Variants in KDM2B observed in about 807,000 individuals in gnomAD.
KDM2B encodes the protein lysine demethylase 2B, also known as lysine-specific demethylase 2B.
Under a neutral mutation model 150.0 loss-of-function variants are expected in KDM2B, and 26 were observed. The ratio of observed to expected loss-of-function variants is 0.17; its 90% CI spans 0.13 to 0.24. The LOEUF (loss-of-function observed/expected upper bound fraction) is 0.24. Ranked by LOEUF, KDM2B falls within the 10% of genes least tolerant of loss-of-function variation. The pLI is 1.00. For missense variants in KDM2B, 1,265 were observed against 1,816.9 expected, an observed-to-expected ratio of 0.70 and a Z score of 5.52; for synonymous variants, 734 against 729.5, an observed-to-expected ratio of 1.01 and a Z score of -0.10.
intron 11 of KDM2B, 151 bp from the exon 12 acceptor site, chr12:121,494,816 C>G (rs1460638954): frequency 3.4e-6 from 2 of 585,972 alleles, no homozygotes; most frequent in Non-Finnish European, 2.9e-6. Flanking sequence ...TCAATAGAAA[C>G]CAAGTCACTA....
chr12:121,535,149 A>T (rs1594073446), intron 6 of KDM2B, among the ~76,000 whole-genome samples: 1 of 150,206 alleles, frequency 6.7e-6, no homozygotes. Context: ...AATGCAGAAG[A>T]CCCCTGCCCC....
At chr12:121,482,251 T>C (rs761550983) in intron 12 of KDM2B, among the ~76,000 whole-genome samples, 2 of 152,194 alleles carry the variant, frequency 1.3e-5, no homozygotes, top group Non-Finnish European at 2.9e-5. Flanking sequence ...GTAAGATCTT[T>C]CTAAGTCTAG....
intron 11 of KDM2B, among the ~76,000 whole-genome samples, chr12:121,497,876 T>C (rs1167065987): frequency 1.3e-5 from 2 of 151,846 alleles, no homozygotes; most frequent in African/African-American, 4.8e-5. Context: ...GGCGGGTGGA[T>C]CACTTGAGGC....
At chr12:121,421,820 T>C in the KDM2B span, among the ~76,000 whole-genome samples, 2 of 152,218 alleles carry the variant, frequency 1.3e-5, no homozygotes, top group African/African-American at 2.4e-5. Context: ...ACAAATCTTA[T>C]GTTCCTATCT....
chr12:121,557,470 C>T (rs527932949), intron 4 of KDM2B, among the ~76,000 whole-genome samples: 1 of 152,138 alleles, frequency 6.6e-6, no homozygotes, highest in South Asian at 2.1e-4. Context: ...GAACTCCTGA[C>T]CTCAGGTGAT....
the KDM2B span, chr12:121,423,425 G>A: frequency 6.2e-7 from 1 of 1,612,580 alleles, no homozygotes; most frequent in East Asian, 2.2e-5. The surrounding 1 kb of genome is among the most constrained non-coding windows in gnomAD (Gnocchi z 4.3). Context: ...GAAGACGACA[G>A]CCTGTGTCGC....
At chr12:121,564,923 G>A (rs1446478327) in intron 4 of KDM2B, among the ~76,000 whole-genome samples, 1 of 151,984 alleles carries the variant, frequency 6.6e-6, no homozygotes, top group Non-Finnish European at 1.5e-5. Context: ...CCGCCTCTGG[G>A]GTTCAAGCAA....
chr12:121,505,178 C>T (rs778768754), intron 11 of KDM2B, among the ~76,000 whole-genome samples: 4 of 148,264 alleles, frequency 2.7e-5, no homozygotes, highest in African/African-American at 5.0e-5. Context: ...TCCAGCTACT[C>T]GGGAGGCTGA....
chr12:121,442,754 T>G lies in KDM2B; in HGVS notation c.2687A>C (p.Glu896Ala). The G allele has an allele frequency of 6.4e-7, 1 of 1,552,274 alleles. No individual in the cohort carries two copies. The highest frequency in any genetic ancestry group is 1.2e-5 in the South Asian group (1 of 80,290). Residue 896 changes from glutamate to alanine, a missense_variant, in exon 19 of 23, where the codon GAA becomes GCA. Glu to Ala is a moderately radical substitution (Grantham distance 107). Coordinates refer to ENST00000377071, the MANE Select transcript of KDM2B (RefSeq NM_032590.5). This position sits in a 1 kb window ranked among gnomAD's most constrained non-coding sequence, Gnocchi z 7.7. ...LRRFKQEPED[E>A]LPEAPPKTRE... ...GGTCTTGGGGGGCGCCTCGGGCAGT[T>G]CGTCCTCGGGTTCCTGCTTGAAGCG...
rs1555289660 is a variant in KDM2B, at chr12:121,444,539, G to T, written c.2104-3C>A. Reference sequence around the variant, plus strand: ...ACCACACCCTCTGACTCCTTAATCTGCGGGGAACACCAGGACTCAGAAGAG... The same window carrying T: ...ACCACACCCTCTGACTCCTTAATCTTCGGGGAACACCAGGACTCAGAAGAG... On this transcript the variant is annotated splice_region_variant and splice_polypyrimidine_tract_variant and intron_variant, in intron 14 of 22. Coordinates refer to ENST00000377071, the MANE Select transcript of KDM2B (RefSeq NM_032590.5). 6.2e-7 allele frequency: 1 copy of T among 1,613,730 alleles called. No homozygotes were observed. Among genetic ancestry groups the T allele is most frequent in the Admixed American group, 1.7e-5 (1 of 60,020 alleles).
At chr12:121,416,368 T>C in the KDM2B span, 5 of 1,609,612 alleles carry the variant, frequency 3.1e-6, no homozygotes, top group South Asian at 3.3e-5. Flanking sequence ...TTTCAGTCTT[T>C]AGAAAGAAGG....
In KDM2B at chr12:121,453,097, G is replaced by A. The variant is rs782706669; in HGVS notation, c.1959+23C>T. On this transcript the variant is annotated intron_variant, in intron 13 of 22. Coordinates refer to ENST00000377071, the MANE Select transcript of KDM2B (RefSeq NM_032590.5). The surrounding 1 kb of genome is among the most constrained non-coding windows in gnomAD (Gnocchi z 6.4). ...ACGCAGGGGCCTGAATCGAGCGCAGGGCTGGGCGGGGGCCGCACTCACCGC... is the reference window on the plus strand; with the variant it reads ...ACGCAGGGGCCTGAATCGAGCGCAGAGCTGGGCGGGGGCCGCACTCACCGC... 1 of 1,583,436 alleles carries A rather than the reference G, an allele frequency of 6.3e-7. No individual in the cohort carries two copies.
Position 121,520,850 on chromosome 12 carries a change from G to C in KDM2B, c.1047+135C>G. The C allele has an allele frequency of 1.7e-6, 1 of 575,636 alleles. No individual in the cohort carries two copies. The highest frequency in any genetic ancestry group is 3.1e-6 in the Non-Finnish European group (1 of 318,184). 35.7% of individuals were successfully genotyped at this position (575,636 alleles called of 1,614,324 possible). Reference sequence around the variant, plus strand: ...CCTCCCCCGCCACAGAACCAGGACTGAAGCCAGCTTGAGAGAGGAATCGGG... The same window carrying C: ...CCTCCCCCGCCACAGAACCAGGACTCAAGCCAGCTTGAGAGAGGAATCGGG... On this transcript the variant is annotated intron_variant, in intron 9 of 22. Coordinates refer to ENST00000377071, the MANE Select transcript of KDM2B (RefSeq NM_032590.5). This position sits in a 1 kb window ranked among gnomAD's most constrained non-coding sequence, Gnocchi z 4.5.
intron 16 of KDM2B, 75 bp downstream of exon 16, chr12:121,443,937 G>T: frequency 6.6e-7 from 1 of 1,516,686 alleles, no homozygotes; most frequent in Non-Finnish European, 8.9e-7. Flanking sequence ...CCCACCCCCT[G>T]CCCCATCCCT....
intron 1 of KDM2B, chr12:121,579,636 A>AGC (rs1555317538): frequency 2.3e-6 from 3 of 1,332,220 alleles, no homozygotes; most frequent in Admixed American, 4.5e-5. Flanking sequence ...TCTCCCCACA[A>AGC]GCGCGCGCGC....
intron 8 of KDM2B, among the ~76,000 whole-genome samples, chr12:121,527,636 A>G (rs1459418926): frequency 7.2e-5 from 10 of 138,354 alleles, no homozygotes; most frequent in African/African-American, 2.7e-4. Flanking sequence ...ACTGGGTGAC[A>G]GAGGGAGACT....
At chr12:121,417,114 T>G in the KDM2B span, among the ~76,000 whole-genome samples, 4 of 152,366 alleles carry the variant, frequency 2.6e-5, no homozygotes, top group Non-Finnish European at 4.4e-5. The surrounding 1 kb of genome is among the most constrained non-coding windows in gnomAD (Gnocchi z 5.0). Context: ...CAGTCTGTTA[T>G]GCTTTTTGTC....
intron 22 of KDM2B, among the ~76,000 whole-genome samples, chr12:121,431,874 TTTTTC>T (rs1873089619): frequency 8.4e-6 from 1 of 118,688 alleles, no homozygotes; most frequent in African/African-American, 3.4e-5. Context: ...GTTTTTTTCT[TTTTTC>T]TTTTTTTTTT....
rs550768303 is a variant in KDM2B at position 121,569,428 on chromosome 12, C to A, written c.397+5119G>T. On this transcript the variant is annotated intron_variant, in intron 4 of 22. Transcript: ENST00000377071. The stretch of plus-strand genomic sequence containing the variant: ...GGGGAGAAGCCTGCCAAGAATGAAG[C>A]AGAAAGAGGGAGTCGAAGTGGGAAG... Among the ~76,000 whole-genome samples, 3 of 152,302 alleles carry A rather than the reference C, an allele frequency of 2.0e-5. No individual in the cohort carries two copies. The East Asian group carries it at 5.8e-4, about 29-fold the overall frequency.
Sources: allele counts gnomAD v4.1 joint callset (sites outside exome capture counted in the v4.1 genomes callset), GRCh38; gene constraint gnomAD v4.1.1; non-coding constraint Gnocchi (gnomAD v3.1); transcripts MANE v1.5; gene names NCBI Gene and HGNC (gene_info 2026-07-23, HGNC 2026-07-21).